Variants in AFAP1 observed in about 807,000 individuals in gnomAD.
AFAP1 encodes the protein actin filament associated protein 1, also known as actin filament-associated protein 1.
A neutral mutation model predicts 93.9 loss-of-function variants in AFAP1; 75 were observed. The ratio of observed to expected loss-of-function variants is 0.80; its 90% CI spans 0.66 to 0.97. The LOEUF is 0.97. AFAP1 is among the 50% of genes least tolerant of loss of function. The pLI is 0.00. For missense variants in AFAP1, 1,201 were observed against 1,050.8 expected (o/e 1.14, Z -1.98); for synonymous variants, 517 against 430.7 (o/e 1.20, Z -2.48).
At chr4:7,883,716 A>G (rs1253495366) in intron 1 of AFAP1, among the ~76,000 whole-genome samples, 1 of 152,244 alleles carries the variant, frequency 6.6e-6, no homozygotes, top group Non-Finnish European at 1.5e-5. Context: ...ACCCATTTAT[A>G]AAACAATAAA....
chr4:7,929,655 C>G (rs1720953876), intron 1 of AFAP1, among the ~76,000 whole-genome samples: 1 of 152,242 alleles, frequency 6.6e-6, no homozygotes, highest in Admixed American at 6.5e-5. Flanking sequence ...TCCCAGCCTA[C>G]AGTCAGCTCA....
At chr4:7,865,982 C>T (rs979219345) in intron 3 of AFAP1, among the ~76,000 whole-genome samples, 4 of 152,114 alleles carry the variant, frequency 2.6e-5, no homozygotes, top group African/African-American at 9.7e-5. Context: ...CTGCAACCTC[C>T]GCCTCCTGGG....
At chr4:7,924,929 A>G (rs1227955133) in intron 1 of AFAP1, among the ~76,000 whole-genome samples, 1 of 152,076 alleles carries the variant, frequency 6.6e-6, no homozygotes, top group Non-Finnish European at 1.5e-5. Context: ...AAAGCCAAAT[A>G]CGCCCCTAAC....
rs553270105 is a variant in AFAP1, at chr4:7,843,117, C to T, written c.546+22G>A. 4.3e-6 allele frequency: 7 copies of T among 1,609,688 alleles called. No individual in the cohort carries two copies. The African/African-American group carries it at 6.7e-5, about 15-fold the overall frequency. On this transcript the variant is annotated intron_variant, in intron 5 of 17. Coordinates refer to ENST00000420658, the MANE Select transcript of AFAP1 (RefSeq NM_001134647.2). Reference sequence around the variant, plus strand: ...GAGTGCAGCAATCTTACAAAAAATGCAAGCGATTCCAAATGTCTTACCAGC... The same window carrying T: ...GAGTGCAGCAATCTTACAAAAAATGTAAGCGATTCCAAATGTCTTACCAGC...
chr4:7,878,023 C>T (rs1459832008), intron 1 of AFAP1, among the ~76,000 whole-genome samples: 1 of 152,184 alleles, frequency 6.6e-6, no homozygotes, highest in Admixed American at 6.5e-5. Context: ...TGAGCACAAA[C>T]ACACATGGCT....
chr4:7,763,718 G>A lies in AFAP1; in HGVS notation c.*47C>T. ...CTGCCGTCACACAGATGAGGATACA[G>A]GCAAGGGGGTGTGCAGTCTCTGAGG... is the stretch of plus-strand genomic sequence containing the variant. On this transcript the variant is annotated 3_prime_UTR_variant, in exon 18 of 18. Coordinates refer to ENST00000420658, the MANE Select transcript of AFAP1 (RefSeq NM_001134647.2). 1 of 1,550,984 alleles carries A rather than the reference G, an allele frequency of 6.4e-7. No homozygotes were observed. The highest frequency in any genetic ancestry group is 8.7e-7 in the Non-Finnish European group (1 of 1,146,372).
At chr4:7,823,670 G>C (rs1721174154) in intron 6 of AFAP1, among the ~76,000 whole-genome samples, 1 of 152,104 alleles carries the variant, frequency 6.6e-6, no homozygotes, top group Non-Finnish European at 1.5e-5. Flanking sequence ...AAGCTTTCCT[G>C]GTACACCCAA....
chr4:7,793,967 A>G (rs904480921), intron 10 of AFAP1, 141 bp from the exon 11 acceptor site: 30 of 959,642 alleles, frequency 3.1e-5, no homozygotes, highest in Non-Finnish European at 4.2e-5. Context: ...AAGATGGCTG[A>G]GCGATGGGAT....
chr4:7,826,018 T>C (rs1289239394), intron 6 of AFAP1, among the ~76,000 whole-genome samples: 3 of 149,656 alleles, frequency 2.0e-5, no homozygotes, highest in Non-Finnish European at 3.0e-5. Context: ...GCAAAAAACC[T>C]ACATGAACTA....
At chr4:7,867,326 C>A (rs909497879) in intron 3 of AFAP1, among the ~76,000 whole-genome samples, 1 of 152,192 alleles carries the variant, frequency 6.6e-6, no homozygotes, top group Non-Finnish European at 1.5e-5. Flanking sequence ...TTGCTCTTTC[C>A]ATCTCCTGGA....
Position 7,819,090 on chromosome 4 carries a change from C to T in AFAP1, c.808G>A (p.Ala270Thr). ...PPPPSSPVHK[A>T]ELEKKLSSER... ...AGCGCCCTTACCTTCTCCAGTTCTG[C>T]CTTGTGCACCGGGGAGCTTGGTGGA... The change falls in exon 7 of 18, where the codon GCA (alanine) becomes ACA (threonine). Residue 270 changes from alanine (A) to threonine (T), a missense_variant. Transcript: ENST00000420658. The T allele has an allele frequency of 6.2e-7, 1 of 1,612,850 alleles. No individual in the cohort carries two copies. The highest frequency in any genetic ancestry group is 8.5e-7 in the Non-Finnish European group (1 of 1,179,438).
intron 6 of AFAP1, among the ~76,000 whole-genome samples, chr4:7,820,275 A>C (rs543948946): frequency 2.0e-5 from 3 of 152,286 alleles, no homozygotes; most frequent in Non-Finnish European, 2.9e-5. Flanking sequence ...ACTCAGAGGA[A>C]GACTGGACAG....
chr4:7,926,469 C>G (rs1406230058), intron 1 of AFAP1, among the ~76,000 whole-genome samples: 1 of 152,170 alleles, frequency 6.6e-6, no homozygotes, highest in African/African-American at 2.4e-5. Flanking sequence ...TTTGTATTCC[C>G]AGGGACGGAC....
intron 1 of AFAP1, among the ~76,000 whole-genome samples, chr4:7,930,223 G>A (rs1428146763): frequency 3.9e-5 from 6 of 152,314 alleles, no homozygotes; most frequent in Admixed American, 6.5e-5. Context: ...GGCACACCAC[G>A]GGGCAGGGAG....
At chr4:7,899,058 G>A (rs1194323447) in intron 1 of AFAP1, among the ~76,000 whole-genome samples, 2 of 150,888 alleles carry the variant, frequency 1.3e-5, no homozygotes, top group Non-Finnish European at 2.9e-5. Context: ...ATACCCCACA[G>A]CCTGTCCTTA....
chr4:7,874,530 ATTTTTTTTTTTTTTTTTTTT>A (rs71175435), intron 1 of AFAP1, among the ~76,000 whole-genome samples: 1 of 51,510 alleles, frequency 1.9e-5, no homozygotes, highest in East Asian at 1.1e-3. Flanking sequence ...TGCCCAGCTA[ATTTTTTTTTTTTTTTTTTTT>A]TTTTTTTTTT....
chr4:7,812,901 C>T (rs1454905862), intron 8 of AFAP1, among the ~76,000 whole-genome samples: 3 of 152,162 alleles, frequency 2.0e-5, no homozygotes, highest in Non-Finnish European at 2.9e-5. Context: ...ATGATCACAT[C>T]TTACAGATGT....
chr4:7,782,332 A>G (rs1265785375), intron 12 of AFAP1, among the ~76,000 whole-genome samples: 16 of 152,248 alleles, frequency 1.1e-4, no homozygotes, highest in Admixed American at 1.0e-3. Flanking sequence ...CCTGTGCAGG[A>G]GTCAGTGACC....
At chr4:7,846,502 T>A (rs949329206) in intron 4 of AFAP1, among the ~76,000 whole-genome samples, 4 of 152,164 alleles carry the variant, frequency 2.6e-5, no homozygotes, top group Non-Finnish European at 5.9e-5. Context: ...GAAAGATGAT[T>A]CTCATAGCGG....
Sources: gnomAD v4.1 joint callset for allele counts (sites outside exome capture counted in the v4.1 genomes callset) on GRCh38, gnomAD v4.1.1 for gene constraint, MANE v1.5 for transcripts, NCBI Gene and HGNC (gene_info 2026-07-23, HGNC 2026-07-21) for gene names.